The following ATRNL1 variants were observed in gnomAD, a reference collection of about 807,000 sequenced individuals.
ATRNL1 encodes the protein attractin-like protein 1.
Under a neutral mutation model 182.7 loss-of-function variants are expected in ATRNL1, and 95 were observed. That is an observed-to-expected ratio of 0.52 (90% CI 0.44 to 0.62). ATRNL1 has a LOEUF of 0.62. ATRNL1 is among the 20% of genes least tolerant of loss of function. The pLI, the probability that ATRNL1 is intolerant of heterozygous loss-of-function variation, is 0.00. For missense variants in ATRNL1, 1,471 were observed against 1,679.5 expected (o/e 0.88, Z 2.17); for synonymous variants, 576 against 568.3 (o/e 1.01, Z -0.19).
At chr10:115,848,453 A>G (rs1480945142) in intron 28 of ATRNL1, among the ~76,000 whole-genome samples, 1 of 152,156 alleles carries the variant, frequency 6.6e-6, no homozygotes, top group Non-Finnish European at 1.5e-5. Context: ...TCAGAGGATG[A>G]TAGCTTCACG....
At chr10:115,629,122 A>G (rs1481239874) in intron 26 of ATRNL1, among the ~76,000 whole-genome samples, 1 of 152,138 alleles carries the variant, frequency 6.6e-6, no homozygotes, top group East Asian at 1.9e-4. Flanking sequence ...GGCATTATCC[A>G]CAATGTTTTT....
chr10:115,667,384 T>A (rs1295828604), intron 26 of ATRNL1, among the ~76,000 whole-genome samples: 2 of 152,172 alleles, frequency 1.3e-5, no homozygotes, highest in East Asian at 3.9e-4. Flanking sequence ...TAATAAGTAA[T>A]CTAAGAAGTT....
intron 18 of ATRNL1, among the ~76,000 whole-genome samples, chr10:115,322,258 A>G (rs959988989): frequency 6.6e-6 from 1 of 151,788 alleles, no homozygotes; most frequent in South Asian, 2.1e-4. Flanking sequence ...ACTTTATATA[A>G]TTTTATATCT....
intron 15 of ATRNL1, among the ~76,000 whole-genome samples, chr10:115,288,059 C>T (rs1852714969): frequency 6.6e-6 from 1 of 150,840 alleles, no homozygotes; most frequent in African/African-American, 2.4e-5. Flanking sequence ...GACAGGATTT[C>T]ATTCTTTTTT....
chr10:115,449,335 G>A (rs1170219436), intron 21 of ATRNL1, among the ~76,000 whole-genome samples: 1 of 152,126 alleles, frequency 6.6e-6, no homozygotes, highest in Non-Finnish European at 1.5e-5. Context: ...TGGCTGGGGA[G>A]AGCAAGACTC....
intron 10 of ATRNL1, among the ~76,000 whole-genome samples, chr10:115,251,166 G>A (rs895730387): frequency 1.3e-5 from 2 of 152,064 alleles, no homozygotes; most frequent in Admixed American, 1.3e-4. Flanking sequence ...GCTTTGTTTA[G>A]TTTGCCAAAC....
rs868932624 is a variant in ATRNL1, at chr10:115,315,440, A to G, written c.2819-78A>G. On this transcript the variant is annotated intron_variant, in intron 17 of 28. Transcript: ENST00000355044. ...CTTTCATGGTTTTTATCATGATCAT[A>G]TTTATTTTTTATTAGCCTATAATTC... is the stretch of plus-strand genomic sequence containing the variant. 8.6e-5 allele frequency: 90 copies of G among 1,045,992 alleles called. 4 individuals carry two copies. In the Middle Eastern group the frequency reaches 1.8e-3, roughly 21 times the overall value. 64.8% of individuals were successfully genotyped at this position (1,045,992 alleles called of 1,614,324 possible).
At chr10:115,938,577 CA>C (rs1334646735) in intron 28 of ATRNL1, among the ~76,000 whole-genome samples, 6 of 151,896 alleles carry the variant, frequency 4.0e-5, no homozygotes, top group Non-Finnish European at 8.8e-5. Context: ...TCACAATAGT[CA>C]AGATATAGAA....
chr10:115,713,461 G>GTGTGTGTTTGTGTGTGTA (rs71010041), intron 26 of ATRNL1, among the ~76,000 whole-genome samples: 49,652 of 145,306 alleles, frequency 0.34, 9,298 homozygotes, highest in East Asian at 0.51. Context: ...GTGTGTGTGT[G>GTGTGTGTTTGTGTGTGTA]TGTGTTTGTG....
chr10:115,477,967 G>T (rs782031400), intron 24 of ATRNL1, among the ~76,000 whole-genome samples: 21 of 151,630 alleles, frequency 1.4e-4, no homozygotes, highest in Admixed American at 2.6e-4. Flanking sequence ...CTTTCTCATT[G>T]TCAGTAAGCA....
chr10:115,404,325 C>G (rs1359883403), intron 20 of ATRNL1, among the ~76,000 whole-genome samples: 1 of 152,182 alleles, frequency 6.6e-6, no homozygotes, highest in Non-Finnish European at 1.5e-5. Flanking sequence ...GGTTGGAAGT[C>G]ATGTTATTGG....
At chr10:115,581,629 T>C (rs781885321) in intron 26 of ATRNL1, among the ~76,000 whole-genome samples, 3 of 152,100 alleles carry the variant, frequency 2.0e-5, no homozygotes, top group Admixed American at 6.6e-5. Context: ...TAAAAAGATA[T>C]AGCTAAAGTA....
In ATRNL1 at chr10:115,245,590, T is replaced by C. The variant is rs142775659; in HGVS notation, c.1687+3865T>C. ...CCAACTGTTTGGAGTGATATATATGTATACATATATAATAGATATAGTTTG... is the reference window on the plus strand; with the variant it reads ...CCAACTGTTTGGAGTGATATATATGCATACATATATAATAGATATAGTTTG... On this transcript the variant is annotated intron_variant, in intron 10 of 28. Coordinates refer to ENST00000355044, the MANE Select transcript of ATRNL1 (RefSeq NM_207303.4). 3.3e-5 allele frequency among the ~76,000 whole-genome samples: 5 copies of C among 151,962 alleles called. No homozygotes were observed. The East Asian group carries it at 9.7e-4, about 29-fold the overall frequency.
intron 1 of ATRNL1, among the ~76,000 whole-genome samples, 176 bp downstream of exon 1, chr10:115,094,219 AGCCCCGGGGC>A (rs1257027585): frequency 2.2e-4 from 33 of 150,846 alleles, no homozygotes; most frequent in African/African-American, 8.0e-4. Context: ...CGCCCCCTCC[AGCCCCGGGGC>A]GCCCCGGGAG....
chr10:115,832,992 A>T lies in ATRNL1; in HGVS notation c.3904-14885A>T, dbSNP rs187571332. The stretch of plus-strand genomic sequence containing the variant: ...AAGTATTTTTATGTCCCAGTATTTC[A>T]TTTTAGTGAGATTTTTAAAAATTCC... On this transcript the variant is annotated intron_variant, in intron 27 of 28. Coordinates refer to ENST00000355044, the MANE Select transcript of ATRNL1 (RefSeq NM_207303.4). 2.5e-4 allele frequency among the ~76,000 whole-genome samples: 38 copies of T among 152,266 alleles called. 1 individual carries two copies. The East Asian group carries it at 5.2e-3, about 21-fold the overall frequency.
chr10:115,405,696 T>A (rs1844789674), intron 20 of ATRNL1, among the ~76,000 whole-genome samples: 1 of 152,148 alleles, frequency 6.6e-6, no homozygotes, highest in South Asian at 2.1e-4. Flanking sequence ...TGTTTTCTTT[T>A]TTTTTTTAAT....
At chr10:115,834,479 A>G (rs1555094767) in intron 27 of ATRNL1, among the ~76,000 whole-genome samples, 1 of 152,098 alleles carries the variant, frequency 6.6e-6, no homozygotes, top group Non-Finnish European at 1.5e-5. Flanking sequence ...CTTGCCTCTC[A>G]GACTCTTCCA....
intron 19 of ATRNL1, among the ~76,000 whole-genome samples, chr10:115,342,151 T>G (rs1425054520): frequency 6.6e-6 from 1 of 152,048 alleles, no homozygotes; most frequent in Non-Finnish European, 1.5e-5. Context: ...TTATTTCTTG[T>G]GTATCTTGTT....
At chr10:115,422,015 CCT>C (rs1431689674) in intron 20 of ATRNL1, among the ~76,000 whole-genome samples, 2 of 152,124 alleles carry the variant, frequency 1.3e-5, no homozygotes, top group Non-Finnish European at 2.9e-5. Context: ...AAACTGGACC[CCT>C]TTCTTACACC....
Sources: allele counts gnomAD v4.1 joint callset (sites outside exome capture counted in the v4.1 genomes callset), GRCh38; gene constraint gnomAD v4.1.1; transcripts MANE v1.5; gene names NCBI Gene and HGNC (gene_info 2026-07-23, HGNC 2026-07-21).